The following CLPB variants were observed in gnomAD, a reference collection of about 807,000 sequenced individuals.
CLPB encodes ClpB family mitochondrial disaggregase.
In CLPB, 40 loss-of-function variants were observed where a neutral mutation model predicts 78.4. The observed-to-expected ratio is 0.51, with a 90% CI of 0.40 to 0.66. The LOEUF (loss-of-function observed/expected upper bound fraction) is 0.66, where lower values mean the gene tolerates loss of function less well. Among genes scored for constraint, CLPB ranks in the 30% least tolerant of loss-of-function variants. CLPB has a pLI of 0.00. For synonymous variants in CLPB, 333 were observed against 348.0 expected (o/e 0.96, Z 0.48); for missense variants, 780 against 886.9 (o/e 0.88, Z 1.53).
intron 7 of CLPB, among the ~76,000 whole-genome samples, chr11:72,313,633 T>C (rs984654010): frequency 4.6e-5 from 7 of 152,232 alleles, no homozygotes; most frequent in Admixed American, 4.6e-4. Context: ...GAGCCCTGAA[T>C]CCAGGAGGAC....
intron 3 of CLPB, among the ~76,000 whole-genome samples, chr11:72,386,239 A>G (rs952644442): frequency 6.6e-6 from 1 of 152,124 alleles, no homozygotes; most frequent in Non-Finnish European, 1.5e-5. Context: ...GTCAGGATGA[A>G]TTTTTTTAAA....
chr11:72,430,410 C>G (rs765906427), intron 1 of CLPB, 47 bp from the exon 2 acceptor site: 2 of 1,581,406 alleles, frequency 1.3e-6, no homozygotes. Context: ...AGGACATACC[C>G]ATCTCAGGAC....
chr11:72,343,505 C>T (rs1453482431), intron 5 of CLPB, among the ~76,000 whole-genome samples: 2 of 152,178 alleles, frequency 1.3e-5, no homozygotes, highest in Non-Finnish European at 2.9e-5. Context: ...AAACCAGAAG[C>T]TTCTGCCAAC....
rs549739748 is a variant in CLPB at position 72,322,203 on chromosome 11, T to C, written c.874-4983A>G. Among the ~76,000 whole-genome samples the C allele has an allele frequency of 2.4e-4, 36 of 152,214 alleles. No homozygotes were observed. In the South Asian group the frequency reaches 6.6e-3, roughly 28 times the overall value. The stretch of plus-strand genomic sequence containing the variant: ...CAGCCCCTTCACACTTGGTAATCAC[T>C]AGGTCGGCATCCCAGATTCCATTCT... On this transcript the variant is annotated intron_variant, in intron 6 of 15. Transcript: ENST00000538039.
At chr11:72,416,334 T>C (rs1157383960) in intron 2 of CLPB, among the ~76,000 whole-genome samples, 1 of 152,186 alleles carries the variant, frequency 6.6e-6, no homozygotes, top group Admixed American at 6.5e-5. Context: ...ACTACAATTC[T>C]CTTACCAGAC....
intron 5 of CLPB, among the ~76,000 whole-genome samples, chr11:72,348,146 AATAGGGATGATAC>A (rs1432655938): frequency 6.6e-6 from 1 of 152,212 alleles, no homozygotes; most frequent in East Asian, 1.9e-4. Flanking sequence ...TTACAGCAGC[AATAGGGATGATAC>A]ATAAGAAGAG....
At chr11:72,301,710 A>C in intron 11 of CLPB, 93 bp downstream of exon 11, 1 of 1,372,160 alleles carries the variant, frequency 7.3e-7, no homozygotes, top group Non-Finnish European at 1.0e-6. Flanking sequence ...CCGAGGAATG[A>C]CCAGCTAGCC....
chr11:72,424,889 A>C (rs549052317), intron 2 of CLPB, among the ~76,000 whole-genome samples: 58 of 152,196 alleles, frequency 3.8e-4, no homozygotes, highest in African/African-American at 8.7e-4. Flanking sequence ...CCGTCTCAAA[A>C]AAAACAAAAC....
At chr11:72,304,850 T>C (rs1396998211) in intron 9 of CLPB, among the ~76,000 whole-genome samples, 1 of 152,216 alleles carries the variant, frequency 6.6e-6, no homozygotes, top group African/African-American at 2.4e-5. Flanking sequence ...TATTTTACAC[T>C]GGGCTCTGAG....
chr11:72,325,478 G>A lies in CLPB; in HGVS notation c.873+4229C>T, dbSNP rs144971552. 1.9e-3 allele frequency among the ~76,000 whole-genome samples: 292 copies of A among 152,250 alleles called. 2 individuals carry two copies. Among genetic ancestry groups the A allele is most frequent in the Middle Eastern group, 6.8e-3 (2 of 294 alleles). On this transcript the variant is annotated intron_variant, in intron 6 of 15. Transcript: ENST00000538039. ...TCATCACCTCTGGATATTCTCAGGGGGCCTAAGGAGGCTTCGGCGCACAGA... is the reference window on the plus strand; with the variant it reads ...TCATCACCTCTGGATATTCTCAGGGAGCCTAAGGAGGCTTCGGCGCACAGA...
chr11:72,370,607 A>G (rs964652553), intron 4 of CLPB, among the ~76,000 whole-genome samples: 7 of 152,302 alleles, frequency 4.6e-5, no homozygotes, highest in Admixed American at 3.3e-4. Flanking sequence ...CAAGCCAGAG[A>G]TCTGAGCTGA....
At chr11:72,355,810 T>C (rs1038047307) in intron 5 of CLPB, among the ~76,000 whole-genome samples, 2 of 152,180 alleles carry the variant, frequency 1.3e-5, no homozygotes, top group Non-Finnish European at 2.9e-5. Context: ...CTGACTTTTC[T>C]AGCTCTAACC....
At chr11:72,385,555 G>C (rs1281832343) in intron 3 of CLPB, among the ~76,000 whole-genome samples, 2 of 152,218 alleles carry the variant, frequency 1.3e-5, no homozygotes, top group Non-Finnish European at 1.5e-5. Context: ...GGGCACAGTG[G>C]CTCATGCCTA....
intron 4 of CLPB, among the ~76,000 whole-genome samples, chr11:72,364,571 G>T (rs1322256062): frequency 2.0e-5 from 3 of 151,680 alleles, no homozygotes; most frequent in Non-Finnish European, 1.5e-5. Flanking sequence ...TGTTGCCTAG[G>T]CTGGTCTCAA....
chr11:72,390,209 G>A (rs1301673426), intron 3 of CLPB, among the ~76,000 whole-genome samples: 2 of 151,906 alleles, frequency 1.3e-5, no homozygotes, highest in African/African-American at 4.8e-5. Context: ...AGGCTGAGGC[G>A]AGCAGATCAC....
chr11:72,343,255 T>C (rs532162614), intron 5 of CLPB, among the ~76,000 whole-genome samples: 2 of 152,334 alleles, frequency 1.3e-5, no homozygotes, highest in African/African-American at 2.4e-5. Context: ...GCCTTATTTA[T>C]GGCTGCCTTT....
At chr11:72,406,859 C>T (rs1475052836) in intron 2 of CLPB, among the ~76,000 whole-genome samples, 1 of 152,094 alleles carries the variant, frequency 6.6e-6, no homozygotes, top group Non-Finnish European at 1.5e-5. Context: ...TTTTCCTTCC[C>T]TCCTTCCTTC....
chr11:72,373,246 G>A (rs1466847690), intron 4 of CLPB, among the ~76,000 whole-genome samples: 1 of 152,218 alleles, frequency 6.6e-6, no homozygotes. Context: ...GTGTTTTATT[G>A]TTTTAATTGT....
chr11:72,294,709 A>G lies in CLPB; in HGVS notation c.1487-16T>C. 1 of 1,607,772 alleles carries G rather than the reference A, an allele frequency of 6.2e-7. No individual in the cohort carries two copies. The highest frequency in any genetic ancestry group is 1.1e-5 in the South Asian group (1 of 90,958). Reference sequence around the variant, plus strand: ...TGGACATCCCCTGTGGAGAAGAATCATAAACTGCTTATTCCCCACATTCAG... The same window carrying G: ...TGGACATCCCCTGTGGAGAAGAATCGTAAACTGCTTATTCCCCACATTCAG... On this transcript the variant is annotated splice_polypyrimidine_tract_variant and intron_variant, in intron 12 of 15. Transcript: ENST00000538039.
Sources: gnomAD v4.1 joint callset for allele counts (sites outside exome capture counted in the v4.1 genomes callset) on GRCh38, gnomAD v4.1.1 for gene constraint, MANE v1.5 for transcripts, NCBI Gene and HGNC (gene_info 2026-07-23, HGNC 2026-07-21) for gene names.